PPP1R36: variants seen among roughly 807,000 people sequenced by gnomAD.
The protein encoded by PPP1R36 is protein phosphatase 1 regulatory subunit 36.
In PPP1R36, 47 loss-of-function variants were observed where a neutral mutation model predicts 53.4. That is an observed-to-expected ratio of 0.88 (90% CI 0.70 to 1.12). PPP1R36 has a LOEUF of 1.12. Ranked by LOEUF, PPP1R36 falls within the 50% of genes most tolerant of loss-of-function variation. The pLI, the probability that PPP1R36 is intolerant of heterozygous loss-of-function variation, is 0.00. For synonymous variants in PPP1R36, 153 were observed against 170.5 expected (o/e 0.90, Z 0.80); for missense variants, 456 against 513.9 (o/e 0.89, Z 1.09).
chr14:64,551,049 A>G, intron 2 of PPP1R36, 64 bp downstream of exon 2: 1 of 1,090,256 alleles, frequency 9.2e-7, no homozygotes, highest in South Asian at 1.4e-5. Context: ...GGGAAAAAAA[A>G]GCAACAGAAG....
intron 4 of PPP1R36, 73 bp from the exon 5 acceptor site, chr14:64,565,284 T>G (rs1314340216): frequency 3.1e-6 from 3 of 979,172 alleles, no homozygotes; most frequent in African/African-American, 3.3e-5. Context: ...AAATGCTTCC[T>G]GCACCTCAGG....
At chr14:64,572,709 G>T (rs747865678) in intron 7 of PPP1R36, among the ~76,000 whole-genome samples, 2 of 152,226 alleles carry the variant, frequency 1.3e-5, no homozygotes, top group African/African-American at 2.4e-5. Flanking sequence ...TATCCCCAGT[G>T]ATTCTTTCAT....
At chr14:64,582,586 C>A (rs1282478411) in intron 8 of PPP1R36, among the ~76,000 whole-genome samples, 4 of 152,156 alleles carry the variant, frequency 2.6e-5, no homozygotes, top group Admixed American at 2.0e-4. Context: ...CAAATTGAAA[C>A]ATACTATAAG....
intron 1 of PPP1R36, 75 bp downstream of exon 1, chr14:64,550,141 G>C: frequency 6.6e-7 from 1 of 1,509,656 alleles, no homozygotes; most frequent in African/African-American, 1.4e-5. Context: ...CCGGCGCCGC[G>C]CCCCTCGCCC....
At chr14:64,569,166 A>G (rs1448081401) in intron 7 of PPP1R36, among the ~76,000 whole-genome samples, 2 of 152,220 alleles carry the variant, frequency 1.3e-5, no homozygotes, top group Non-Finnish European at 2.9e-5. Context: ...GCAGAGGTGT[A>G]CACCAGGGCA....
At chr14:64,574,998 G>T (rs767981326) in intron 8 of PPP1R36, among the ~76,000 whole-genome samples, 1 of 152,194 alleles carries the variant, frequency 6.6e-6, no homozygotes, top group African/African-American at 2.4e-5. Flanking sequence ...TTGTGAGTAG[G>T]AGCTGCTGAG....
intron 6 of PPP1R36, among the ~76,000 whole-genome samples, chr14:64,568,074 A>G (rs753428008): frequency 5.3e-5 from 8 of 152,220 alleles, no homozygotes; most frequent in Non-Finnish European, 1.2e-4. Flanking sequence ...ATATTGTATA[A>G]TAACTTTTTA....
intron 5 of PPP1R36, 46 bp downstream of exon 5, chr14:64,565,500 T>C (rs1345212685): frequency 6.8e-7 from 1 of 1,461,958 alleles, no homozygotes; most frequent in South Asian, 1.1e-5. Flanking sequence ...CATCTGTACA[T>C]ACATACACAT....
intron 3 of PPP1R36, among the ~76,000 whole-genome samples, chr14:64,563,897 C>T (rs1473075138): frequency 6.6e-5 from 10 of 152,182 alleles, no homozygotes; most frequent in East Asian, 1.9e-4. Context: ...GCAGGAACCT[C>T]GTCCTGTTAG....
intron 1 of PPP1R36, chr14:64,550,423 G>A: frequency 2.1e-6 from 1 of 465,932 alleles, no homozygotes; most frequent in Non-Finnish European, 3.1e-6. Context: ...TGAAAAGGGT[G>A]TACTTAACTT....
At chr14:64,575,795 C>T (rs59587911) in intron 8 of PPP1R36, among the ~76,000 whole-genome samples, 8,030 of 152,020 alleles carry the variant, frequency 0.053, 293 homozygotes, top group Non-Finnish European at 0.081. Flanking sequence ...GGACTACAGG[C>T]GCCCGCCACC....
intron 11 of PPP1R36, 137 bp downstream of exon 11, chr14:64,588,432 C>T: frequency 9.0e-6 from 6 of 664,230 alleles, no homozygotes; most frequent in South Asian, 2.3e-5. Flanking sequence ...TTACTTCTGC[C>T]CTGCTCCCCT....
chr14:64,550,755 T>C (rs1353668184), intron 1 of PPP1R36, among the ~76,000 whole-genome samples, 166 bp from the exon 2 acceptor site: 1 of 152,240 alleles, frequency 6.6e-6, no homozygotes, highest in Non-Finnish European at 1.5e-5. Flanking sequence ...TCTACACTCT[T>C]ACTGAAAGTG....
intron 8 of PPP1R36, among the ~76,000 whole-genome samples, chr14:64,579,053 C>A (rs1455792629): frequency 6.6e-6 from 1 of 152,116 alleles, no homozygotes; most frequent in Admixed American, 6.5e-5. Flanking sequence ...TAAGTCGGAG[C>A]TAAATGATAA....
At chr14:64,554,998 C>A (rs2080136475) in intron 3 of PPP1R36, among the ~76,000 whole-genome samples, 2 of 152,014 alleles carry the variant, frequency 1.3e-5, no homozygotes, top group African/African-American at 4.8e-5. Context: ...GAGGCCAGAA[C>A]CCTAGGAAAT....
intron 1 of PPP1R36, chr14:64,550,328 T>C: frequency 7.9e-7 from 1 of 1,265,950 alleles, no homozygotes; most frequent in Non-Finnish European, 1.0e-6. Context: ...CACCTCTAAT[T>C]GGTTGGTTGC....
intron 3 of PPP1R36, among the ~76,000 whole-genome samples, chr14:64,562,695 A>G (rs1220185463): frequency 2.6e-5 from 4 of 152,226 alleles, no homozygotes; most frequent in Non-Finnish European, 4.4e-5. Context: ...ATGCCAGACT[A>G]TTGGCTAAGG....
At chr14:64,572,969 G>C (rs913671909) in intron 7 of PPP1R36, among the ~76,000 whole-genome samples, 1 of 152,144 alleles carries the variant, frequency 6.6e-6, no homozygotes, top group Non-Finnish European at 1.5e-5. Flanking sequence ...GGAAGGGGGT[G>C]TATTAAGGAT....
intron 1 of PPP1R36, chr14:64,550,362 G>GCTGCTTCCCCC: frequency 2.0e-6 from 2 of 1,022,294 alleles, no homozygotes; most frequent in Non-Finnish European, 2.5e-6. Context: ...CTACTGCGGG[G>GCTGCTTCCCCC]GAAGCAGCCC....
Sources: allele counts gnomAD v4.1 joint callset (sites outside exome capture counted in the v4.1 genomes callset), GRCh38; gene constraint gnomAD v4.1.1; transcripts MANE v1.5; gene names NCBI Gene and HGNC (gene_info 2026-07-23, HGNC 2026-07-21).